PDE4B: variants seen among roughly 807,000 people sequenced by gnomAD.
PDE4B encodes phosphodiesterase 4B, also known as 3',5'-cyclic-AMP phosphodiesterase 4B.
A neutral mutation model predicts 82.2 loss-of-function variants in PDE4B; 20 were observed. The observed-to-expected ratio is 0.24, with a 90% confidence interval of 0.17 to 0.35. PDE4B has a LOEUF of 0.35. Among genes scored for constraint, PDE4B ranks in the 10% least tolerant of loss-of-function variants. The pLI is 1.00. For synonymous variants in PDE4B, 320 were observed against 318.9 expected, an observed-to-expected ratio of 1.00 and a Z score of -0.04; for missense variants, 655 against 907.2, an observed-to-expected ratio of 0.72 and a Z score of 3.57.
chr1:66,032,946 G>A (rs901613228), intron 3 of PDE4B, among the ~76,000 whole-genome samples: 2 of 152,064 alleles, frequency 1.3e-5, no homozygotes, highest in Non-Finnish European at 1.5e-5. Flanking sequence ...GAGCCACCAC[G>A]CCCGGCCTCA....
intron 8 of PDE4B, among the ~76,000 whole-genome samples, chr1:66,339,838 G>GT (rs1338811452): frequency 2.0e-3 from 224 of 110,696 alleles, no homozygotes; most frequent in African/African-American, 7.7e-3. Context: ...TTTTTTGTTT[G>GT]TTTTTTTTGT....
At chr1:65,869,254 A>G (rs1371340138) in intron 1 of PDE4B, among the ~76,000 whole-genome samples, 1 of 152,232 alleles carries the variant, frequency 6.6e-6, no homozygotes, top group Non-Finnish European at 1.5e-5. Flanking sequence ...AAAGTTATCC[A>G]TTCTGTGTCC....
In PDE4B at chr1:65,840,266, A is replaced by G. The variant is rs1646192403; in HGVS notation, c.-71+47018A>G. Among the ~76,000 whole-genome samples, 3 of 152,270 alleles carry G rather than the reference A, an allele frequency of 2.0e-5. No individual in the cohort carries two copies. In the South Asian group the frequency reaches 6.2e-4, roughly 32 times the overall value. ...TGAACATAAATTCCTCAAAAGAAAG[A>G]TAGATTGGACCAAGACATCATATTC... is the stretch of plus-strand genomic sequence containing the variant. On this transcript the variant is annotated intron_variant, in intron 1 of 16. Transcript: ENST00000341517.
chr1:66,322,722 G>A (rs1659496245), intron 7 of PDE4B, among the ~76,000 whole-genome samples: 1 of 151,546 alleles, frequency 6.6e-6, no homozygotes. Flanking sequence ...AAACCAGTAG[G>A]TTTCAACACA....
intron 3 of PDE4B, among the ~76,000 whole-genome samples, chr1:66,072,227 A>T (rs150091650): frequency 7.6e-4 from 116 of 152,242 alleles, no homozygotes; most frequent in Non-Finnish European, 3.1e-4. Context: ...ATGAGCAAGC[A>T]TTGAAGTAAA....
chr1:66,126,403 C>T (rs566750055), intron 3 of PDE4B, among the ~76,000 whole-genome samples: 6 of 152,164 alleles, frequency 3.9e-5, no homozygotes, highest in Non-Finnish European at 8.8e-5. Flanking sequence ...AGTATTTACT[C>T]TATGTACCCC....
Position 66,025,263 on chromosome 1 carries a change from G to GATAGAAGTAATTTATGAAAAACAATTT in PDE4B, c.281+106432_281+106458dup, listed in dbSNP as rs1355659232. ...AACAGAGTACTTCAAGGAAAGAAGT[G>GATAGAAGTAATTTATGAAAAACAATTT]ATAGAAGTAATTTATGAAAAACAAT... On this transcript the variant is annotated intron_variant, in intron 3 of 16. Transcript: ENST00000341517. Among the ~76,000 whole-genome samples, 6 of 152,064 alleles carry GATAGAAGTAATTTATGAAAAACAATTT rather than the reference G, an allele frequency of 3.9e-5. No individual in the cohort carries two copies. The East Asian group carries it at 1.2e-3, about 29-fold the overall frequency.
intron 3 of PDE4B, among the ~76,000 whole-genome samples, chr1:65,934,203 A>G (rs1647993976): frequency 6.6e-6 from 1 of 152,204 alleles, no homozygotes; most frequent in Admixed American, 6.5e-5. Context: ...AGAGAGTAAG[A>G]CATAGGAGGT....
intron 1 of PDE4B, among the ~76,000 whole-genome samples, chr1:65,822,364 A>G (rs973286163): frequency 2.6e-5 from 4 of 152,032 alleles, no homozygotes; most frequent in Admixed American, 2.6e-4. Context: ...TAGGAGTGAA[A>G]TTGCTGTCTT....
At chr1:66,192,085 A>G (rs765068820) in intron 3 of PDE4B, among the ~76,000 whole-genome samples, 2 of 152,160 alleles carry the variant, frequency 1.3e-5, no homozygotes, top group Non-Finnish European at 2.9e-5. Context: ...AACTTCTTAC[A>G]TTGATAACTA....
intron 3 of PDE4B, among the ~76,000 whole-genome samples, chr1:66,172,656 G>A (rs1646859201): frequency 6.6e-6 from 1 of 152,196 alleles, no homozygotes; most frequent in South Asian, 2.1e-4. Context: ...ACTATTGTAA[G>A]ATGGTAGCTC....
intron 10 of PDE4B, among the ~76,000 whole-genome samples, chr1:66,362,135 C>T (rs1662829648): frequency 6.6e-6 from 1 of 152,158 alleles, no homozygotes; most frequent in Non-Finnish European, 1.5e-5. Flanking sequence ...TTTTTATGGA[C>T]AGTTCATTAT....
At chr1:66,184,647 C>T (rs1443056313) in intron 3 of PDE4B, among the ~76,000 whole-genome samples, 2 of 152,128 alleles carry the variant, frequency 1.3e-5, no homozygotes, top group Admixed American at 1.3e-4. Context: ...TACAGTAACA[C>T]TTCACATGGA....
chr1:66,035,270 T>G (rs1179406752), intron 3 of PDE4B, among the ~76,000 whole-genome samples: 3 of 152,166 alleles, frequency 2.0e-5, no homozygotes, highest in Non-Finnish European at 4.4e-5. Flanking sequence ...TGTGGAATGA[T>G]CAAATCAGAG....
At chr1:65,814,113 C>T (rs1437601057) in intron 1 of PDE4B, among the ~76,000 whole-genome samples, 1 of 152,174 alleles carries the variant, frequency 6.6e-6, no homozygotes, top group Non-Finnish European at 1.5e-5. Flanking sequence ...GGGCACTTGA[C>T]AGAAAATTCA....
intron 3 of PDE4B, among the ~76,000 whole-genome samples, chr1:66,021,664 G>T (rs1057000567): frequency 7.2e-5 from 11 of 152,130 alleles, no homozygotes; most frequent in African/African-American, 1.9e-4. Flanking sequence ...CTGTTCCATT[G>T]ATCTATATCT....
intron 7 of PDE4B, among the ~76,000 whole-genome samples, chr1:66,274,906 A>G (rs1266742665): frequency 6.6e-6 from 1 of 152,198 alleles, no homozygotes; most frequent in Non-Finnish European, 1.5e-5. Flanking sequence ...CTTTGCTTCC[A>G]TAATAATACC....
intron 3 of PDE4B, among the ~76,000 whole-genome samples, chr1:66,137,879 C>T (rs1570321292): frequency 6.6e-6 from 1 of 152,116 alleles, no homozygotes; most frequent in Admixed American, 6.5e-5. Flanking sequence ...TCTGGGAAAT[C>T]AAATATGTAG....
At chr1:66,066,356 GCTTTGCAGATT>G (rs1655847735) in intron 3 of PDE4B, among the ~76,000 whole-genome samples, 1 of 151,738 alleles carries the variant, frequency 6.6e-6, no homozygotes, top group Admixed American at 6.6e-5. Context: ...TTGCCCTGAA[GCTTTGCAGATT>G]TGGTGAGTAG....
Sources: gnomAD v4.1 joint callset for allele counts (sites outside exome capture counted in the v4.1 genomes callset) on GRCh38, gnomAD v4.1.1 for gene constraint, MANE v1.5 for transcripts, NCBI Gene and HGNC (gene_info 2026-07-23, HGNC 2026-07-21) for gene names.